Variants in ADGRV1 observed in about 807,000 individuals in gnomAD.
ADGRV1 encodes the protein adhesion G protein-coupled receptor V1.
A neutral mutation model predicts 596.2 loss-of-function variants in ADGRV1; 359 were observed. The ratio of observed to expected loss-of-function variants is 0.60; its 90% confidence interval spans 0.55 to 0.66. ADGRV1 has a LOEUF of 0.66. ADGRV1 is among the 30% of genes least tolerant of loss of function. ADGRV1 has a pLI of 0.00. For synonymous variants in ADGRV1, 2,681 were observed against 2,679.2 expected (o/e 1.00, Z -0.02); for missense variants, 7,274 against 7,575.6 (o/e 0.96, Z 1.48).
chr5:90,751,578 TAAC>T (rs138347163), intron 53 of ADGRV1, among the ~76,000 whole-genome samples: 9,161 of 152,196 alleles, frequency 0.06, 350 homozygotes, highest in Middle Eastern at 0.085. Flanking sequence ...AGTACATGAT[TAAC>T]AACAAGAGGG....
intron 77 of ADGRV1, among the ~76,000 whole-genome samples, chr5:90,833,610 T>C (rs1764703708): frequency 6.6e-6 from 1 of 152,180 alleles, no homozygotes; most frequent in Non-Finnish European, 1.5e-5. Context: ...ATTGCAGAGA[T>C]CTTTCACTTG....
intron 83 of ADGRV1, among the ~76,000 whole-genome samples, chr5:90,917,328 T>C (rs767459225): frequency 7.2e-5 from 11 of 152,202 alleles, no homozygotes; most frequent in Non-Finnish European, 1.5e-4. Context: ...GAGAGATGTA[T>C]ACAGTGATGT....
chr5:90,855,076 G>A lies in ADGRV1; in HGVS notation c.17595-665G>A, dbSNP rs79418753. 2.8e-3 allele frequency among the ~76,000 whole-genome samples: 429 copies of A among 152,260 alleles called. 5 individuals are homozygous for A. Among genetic ancestry groups the A allele is most frequent in the East Asian group, 0.024 (123 of 5,182 alleles). ...AAGGAAGTTTTAGGTCCTTAAAAAA[G>A]TAAAGAAATTAAGAGGCATTTTAAG... On this transcript the variant is annotated intron_variant, in intron 81 of 89. Coordinates refer to ENST00000405460, the MANE Select transcript of ADGRV1 (RefSeq NM_032119.4).
chr5:91,072,586 G>A lies in ADGRV1; in HGVS notation c.18292G>A (p.Gly6098Arg), dbSNP rs1788485492. The A allele has an allele frequency of 5.0e-6, 8 of 1,613,728 alleles. No individual in the cohort carries two copies. Among genetic ancestry groups the A allele is most frequent in the Non-Finnish European group, 6.8e-6 (8 of 1,179,694 alleles). Residue 6098 changes from glycine (G) to arginine (R), a missense_variant, in exon 86 of 90, where the codon GGA becomes AGA. Transcript: ENST00000405460. The stretch of plus-strand genomic sequence containing the variant: ...GAAAGCATATGATGATGTCTTCAGA[G>A]GAAGGACAAATGCTGCAGGTTTGAA... ...QWKAYDDVFRGRTNAAEIPLI... is the reference protein window; with the variant it reads ...QWKAYDDVFRRRTNAAEIPLI...
At chr5:91,034,037 T>A (rs1211690660) in intron 85 of ADGRV1, among the ~76,000 whole-genome samples, 1 of 152,228 alleles carries the variant, frequency 6.6e-6, no homozygotes, top group Non-Finnish European at 1.5e-5. Context: ...AAATGAAGCA[T>A]GCAGAAATTC....
chr5:91,141,623 T>G (rs1378573414), intron 87 of ADGRV1, among the ~76,000 whole-genome samples: 3 of 152,228 alleles, frequency 2.0e-5, no homozygotes, highest in African/African-American at 7.2e-5. Flanking sequence ...AGAGATTAAA[T>G]GCCTACTCTT....
Position 90,602,208 on chromosome 5 carries a change from C to T in ADGRV1, c.23-12627C>T, listed in dbSNP as rs369669928. Among the ~76,000 whole-genome samples the T allele has an allele frequency of 5.3e-5, 8 of 152,248 alleles. No individual in the cohort carries two copies. In the East Asian group the frequency reaches 5.8e-4, roughly 11 times the overall value. On this transcript the variant is annotated intron_variant, in intron 1 of 89. Coordinates refer to ENST00000405460, the MANE Select transcript of ADGRV1 (RefSeq NM_032119.4). Reference sequence around the variant, plus strand: ...ACAATACAACATCCTGACAATGTTTCGATGCCTGGTACAGTTTTTAATATG... The same window carrying T: ...ACAATACAACATCCTGACAATGTTTTGATGCCTGGTACAGTTTTTAATATG...
intron 59 of ADGRV1, among the ~76,000 whole-genome samples, chr5:90,764,232 T>A (rs1464511499): frequency 6.6e-6 from 1 of 152,144 alleles, no homozygotes; most frequent in Non-Finnish European, 1.5e-5. Flanking sequence ...GATATGCCCC[T>A]CTAGGAGCTG....
At chr5:90,819,655 G>T (rs1405607244) in intron 75 of ADGRV1, among the ~76,000 whole-genome samples, 87 of 151,322 alleles carry the variant, frequency 5.7e-4, no homozygotes, top group Admixed American at 2.0e-3. Context: ...CTTTATTTCT[G>T]CCTTCATTTC....
chr5:91,127,162 C>T lies in ADGRV1; in HGVS notation c.18433-22868C>T, dbSNP rs11952638. ...ACAAGCCATTACCAGTATGGGAGTCCATCCCTAGTCAGGGCTAGTTGCTAT... is the reference window on the plus strand; with the variant it reads ...ACAAGCCATTACCAGTATGGGAGTCTATCCCTAGTCAGGGCTAGTTGCTAT... On this transcript the variant is annotated intron_variant, in intron 87 of 89. Transcript: ENST00000405460. 8.3e-4 allele frequency among the ~76,000 whole-genome samples: 126 copies of T among 152,224 alleles called. 1 individual carries two copies. Among genetic ancestry groups the T allele is most frequent in the African/African-American group, 2.9e-3 (122 of 41,526 alleles).
chr5:91,073,548 T>C (rs1341128236), intron 86 of ADGRV1, among the ~76,000 whole-genome samples: 1 of 152,192 alleles, frequency 6.6e-6, no homozygotes, highest in Non-Finnish European at 1.5e-5. Flanking sequence ...GTTCCTGAAC[T>C]TGATCAGTTA....
intron 83 of ADGRV1, among the ~76,000 whole-genome samples, chr5:90,946,085 G>C (rs576315176): frequency 1.3e-5 from 2 of 152,146 alleles, no homozygotes; most frequent in African/African-American, 2.4e-5. Flanking sequence ...AGGAAATGAC[G>C]TTTGAACTGA....
At chr5:91,072,671 AT>A in intron 86 of ADGRV1, 67 bp downstream of exon 86, 17 of 1,514,254 alleles carry the variant, frequency 1.1e-5, no homozygotes, top group Admixed American at 1.9e-5. Context: ...ATGTCACTGA[AT>A]TTTTTTTATC....
At chr5:90,628,512 G>A (rs762312119) in intron 7 of ADGRV1, 50 bp from the exon 8 acceptor site, 1 of 1,512,530 alleles carries the variant, frequency 6.6e-7, no homozygotes, top group African/African-American at 1.4e-5. Flanking sequence ...TTATCTAAGG[G>A]AAATAAAGTG....
intron 85 of ADGRV1, among the ~76,000 whole-genome samples, chr5:91,053,400 C>T (rs550799961): frequency 3.9e-5 from 6 of 152,278 alleles, no homozygotes; most frequent in South Asian, 2.1e-4. Flanking sequence ...AATCAGAGCA[C>T]ATATACAAAT....
In ADGRV1 at chr5:90,706,224, C is replaced by A; in HGVS notation, c.8567-7C>A. Reference sequence around the variant, plus strand: ...TTATAAAACATTTTTGCAACCTATTCAATTAGGAGCTATCAATGTCACATA... The same window carrying A: ...TTATAAAACATTTTTGCAACCTATTAAATTAGGAGCTATCAATGTCACATA... On this transcript the variant is annotated splice_polypyrimidine_tract_variant and splice_region_variant and intron_variant, in intron 37 of 89. Coordinates refer to ENST00000405460, the MANE Select transcript of ADGRV1 (RefSeq NM_032119.4). The A allele has an allele frequency of 6.3e-7, 1 of 1,592,916 alleles. No individual in the cohort carries two copies. The highest frequency in any genetic ancestry group is 1.8e-5 in the Admixed American group (1 of 54,470).
At chr5:90,711,087 CTTCTGGG>C (rs1314969750) in intron 40 of ADGRV1, 28 bp downstream of exon 40, 2 of 1,581,362 alleles carry the variant, frequency 1.3e-6, no homozygotes, top group South Asian at 2.3e-5. Flanking sequence ...TGAGAGCCCT[CTTCTGGG>C]TTTCATATTA....
At chr5:90,987,906 T>C (rs1350445530) in intron 85 of ADGRV1, among the ~76,000 whole-genome samples, 1 of 152,140 alleles carries the variant, frequency 6.6e-6, no homozygotes, top group African/African-American at 2.4e-5. Context: ...CTGGAACGTG[T>C]TTTCTCAAGT....
chr5:90,599,789 T>C (rs1761177918), intron 1 of ADGRV1, among the ~76,000 whole-genome samples: 4 of 152,192 alleles, frequency 2.6e-5, no homozygotes, highest in African/African-American at 9.7e-5. Context: ...TGTAAAGTCA[T>C]TGGCTTCAAA....
Sources: allele counts gnomAD v4.1 joint callset (sites outside exome capture counted in the v4.1 genomes callset), GRCh38; gene constraint gnomAD v4.1.1; transcripts MANE v1.5; gene names NCBI Gene and HGNC (gene_info 2026-07-23, HGNC 2026-07-21).